FMO3: variants seen among roughly 807,000 people sequenced by gnomAD.
The protein encoded by FMO3 is flavin-containing monooxygenase 3.
A neutral mutation model predicts 39.4 loss-of-function variants in FMO3; 40 were observed. The observed-to-expected ratio is 1.02, with a 90% CI of 0.79 to 1.32. The LOEUF is 1.32. Ranked by LOEUF, FMO3 falls within the 40% of genes most tolerant of loss-of-function variation. The pLI, the probability that FMO3 is intolerant of heterozygous loss-of-function variation, is 0.00. For missense variants in FMO3, 680 were observed against 651.8 expected, an observed-to-expected ratio of 1.04 and a Z score of -0.47; for synonymous variants, 219 against 228.8, an observed-to-expected ratio of 0.96 and a Z score of 0.39.
intron 3 of FMO3, 83 bp from the exon 4 acceptor site, chr1:171,107,592 C>A: frequency 9.5e-7 from 1 of 1,057,848 alleles, no homozygotes; most frequent in Non-Finnish European, 1.4e-6. Context: ...TTTTTCTTAA[C>A]CCACTTTTCT....
In FMO3 at chr1:171,114,246, T is replaced by C. The variant is rs368945674; in HGVS notation, c.1067T>C (p.Val356Ala). 1.5e-4 allele frequency: 248 copies of C among 1,613,628 alleles called. No individual in the cohort carries two copies. Among genetic ancestry groups the C allele is most frequent in the Non-Finnish European group, 2.0e-4 (231 of 1,179,788 alleles). ...AATGAGATCATTTTATTTAAAGGAG[T>C]ATTTCCTCCTCTACTTGAGAAGTCA... The part of the protein sequence containing the change: ...RNNEIILFKG[V>A]FPPLLEKSTI... The change falls in exon 7 of 9, where the codon GTA becomes GCA. Residue 356 changes from valine to alanine, a missense_variant. Physicochemically the swap from Val to Ala is moderately conservative, Grantham distance 64. Transcript: ENST00000367755.
chr1:171,091,889 T>TTGTG (rs10636613), intron 1 of FMO3, among the ~76,000 whole-genome samples: 24 of 145,656 alleles, frequency 1.6e-4, no homozygotes, highest in African/African-American at 5.7e-4. Flanking sequence ...AAGATACAGA[T>TTGTG]TGCGTGTGTG....
At chr1:171,096,026 A>ATATAAATATATAATATATATT in intron 2 of FMO3, among the ~76,000 whole-genome samples, 1 of 33,120 alleles carries the variant, frequency 3.0e-5, no homozygotes, top group Non-Finnish European at 4.9e-5. Context: ...TTATATATTA[A>ATATAAATATATAATATATATT]TATATAATAT....
intron 6 of FMO3, among the ~76,000 whole-genome samples, chr1:171,111,804 G>A (rs1246302832): frequency 1.3e-5 from 2 of 152,164 alleles, no homozygotes; most frequent in African/African-American, 4.8e-5. Flanking sequence ...TAGCCCTGTG[G>A]ATATAGTAGT....
At chr1:171,106,651 A>C (rs1181982231) in intron 3 of FMO3, among the ~76,000 whole-genome samples, 1 of 152,052 alleles carries the variant, frequency 6.6e-6, no homozygotes. Context: ...AGAGAATGAC[A>C]ACTCAAAAGA....
At chr1:171,111,444 A>T (rs1281308808) in intron 6 of FMO3, among the ~76,000 whole-genome samples, 1 of 152,096 alleles carries the variant, frequency 6.6e-6, no homozygotes, top group Non-Finnish European at 1.5e-5. Flanking sequence ...TTCAAAACAA[A>T]CCCAGATCTG....
At chr1:171,096,756 A>G (rs1259835401) in intron 2 of FMO3, among the ~76,000 whole-genome samples, 1 of 135,892 alleles carries the variant, frequency 7.4e-6, no homozygotes, top group Non-Finnish European at 1.5e-5. Flanking sequence ...TAATTATATT[A>G]AAAATATATA....
chr1:171,110,656 A>G (rs1241614929), intron 5 of FMO3, 142 bp from the exon 6 acceptor site: 2 of 771,506 alleles, frequency 2.6e-6, no homozygotes, highest in African/African-American at 3.4e-5. Flanking sequence ...GTCAAAAAGG[A>G]CTGACAGCTG....
rs72549331 is a variant in FMO3 at position 171,114,339 on chromosome 1, G to A, written c.1160G>A (p.Arg387His). 52 of 1,613,224 alleles carry A rather than the reference G, an allele frequency of 3.2e-5. No homozygotes were observed. In the East Asian group the frequency reaches 3.8e-4, roughly 12 times the overall value. The change falls in exon 7 of 9, where the codon CGC becomes CAC. Residue 387 changes from arginine (R) to histidine (H), a missense_variant. By Grantham distance (29) the Arg-to-His change is conservative (BLOSUM62 0). Transcript: ENST00000367755. ...ATTCCCACAGTTGACCTCCAGTCCC[G>A]CTGGGCAGCACAAGTAATAAAGGGT... ...AAIPTVDLQS[R>H]WAAQVIKGTC...
intron 2 of FMO3, among the ~76,000 whole-genome samples, chr1:171,094,737 CA>C (rs1430265133): frequency 1.3e-5 from 2 of 152,118 alleles, no homozygotes; most frequent in African/African-American, 4.8e-5. Context: ...TGCTGAAGAT[CA>C]GTTGGCTATA....
chr1:171,095,920 T>TA, intron 2 of FMO3, among the ~76,000 whole-genome samples: 1 of 93,940 alleles, frequency 1.1e-5, no homozygotes. Context: ...AAATATATAT[T>TA]TATATAATTA....
Position 171,093,954 on chromosome 1 carries a change from C to A in FMO3, c.132+1164C>A, listed in dbSNP as rs913500977. On this transcript the variant is annotated intron_variant, in intron 2 of 8. Transcript: ENST00000367755. ...GGTTCAAACGATTCTCCTACCTCAGCCTCCCGAGTAGCTGGGGTTACAGGT... is the reference window on the plus strand; with the variant it reads ...GGTTCAAACGATTCTCCTACCTCAGACTCCCGAGTAGCTGGGGTTACAGGT... Among the ~76,000 whole-genome samples, 3 of 150,522 alleles carry A rather than the reference C, an allele frequency of 2.0e-5. No individual in the cohort carries two copies. In the South Asian group the frequency reaches 6.3e-4, roughly 32 times the overall value.
chr1:171,106,594 T>C (rs1655650894), intron 3 of FMO3, among the ~76,000 whole-genome samples: 1 of 152,170 alleles, frequency 6.6e-6, no homozygotes, highest in Admixed American at 6.5e-5. Context: ...TTCTTTTCAA[T>C]AGTCTTAAGA....
Position 171,101,108 on chromosome 1 carries a change from G to A in FMO3, c.133-2677G>A, listed in dbSNP as rs1418120175. 8.8e-6 allele frequency: 4 copies of A among 456,108 alleles called. No individual in the cohort carries two copies. The Admixed American group carries it at 9.4e-5, about 11-fold the overall frequency. The allele number at this position is 456,108 out of a possible 1,614,324, so 28.3% of individuals were successfully genotyped here. ...AGCCATGAGTGAAGGCGTACAAGAG[G>A]GGTCTTGCCACTGAAAAAAATAAGA... On this transcript the variant is annotated intron_variant, in intron 2 of 8. Transcript: ENST00000367755.
chr1:171,107,189 G>A (rs911587972), intron 3 of FMO3, among the ~76,000 whole-genome samples: 5 of 152,138 alleles, frequency 3.3e-5, no homozygotes, highest in African/African-American at 1.2e-4. Flanking sequence ...TAGTCCAAGT[G>A]ACATCAGCGT....
At position 171,111,004 on chromosome 1, in the gene FMO3, C is replaced by G; in HGVS notation, c.827+7C>G. On this transcript the variant is annotated splice_region_variant and intron_variant, in intron 6 of 8. Transcript: ENST00000367755. ...GCTTGATGCCTTTAAATGGGTAATGCAGAGCTAAACGTGATATGCCTGCTG... is the reference window on the plus strand; with the variant it reads ...GCTTGATGCCTTTAAATGGGTAATGGAGAGCTAAACGTGATATGCCTGCTG... The G allele has an allele frequency of 6.2e-7, 1 of 1,609,656 alleles. No homozygotes were observed. The highest frequency in any genetic ancestry group is 8.5e-7 in the Non-Finnish European group (1 of 1,176,460).
intron 2 of FMO3, chr1:171,100,641 T>C (rs1254886166): frequency 6.5e-6 from 1 of 154,554 alleles, no homozygotes; most frequent in Admixed American, 6.3e-5. Context: ...GACTTTTGAA[T>C]TGAAAATATA....
rs140099441 is a variant in FMO3, at chr1:171,110,840, G to A, written c.670G>A (p.Val224Ile). ...SRSGSWVMSR[V>I]WDNGYPWDML... ...AAGTGGCTCCTGGGTGATGAGCCGG[G>A]TCTGGGACAATGGTTATCCTTGGGA... The change falls in exon 6 of 9, where the codon GTC becomes ATC. Residue 224 changes from valine (V) to isoleucine (I), a missense_variant. Physicochemically the swap from Val to Ile is conservative, Grantham distance 29. Coordinates refer to ENST00000367755, the MANE Select transcript of FMO3 (RefSeq NM_001002294.3). 6.8e-6 allele frequency: 11 copies of A among 1,613,962 alleles called. No homozygotes were observed. Among genetic ancestry groups the A allele is most frequent in the Non-Finnish European group, 7.6e-6 (9 of 1,179,928 alleles).
At chr1:171,096,159 A>G (rs866972200) in intron 2 of FMO3, among the ~76,000 whole-genome samples, 4 of 75,858 alleles carry the variant, frequency 5.3e-5, no homozygotes, top group African/African-American at 1.2e-4. Context: ...ATGAATATAT[A>G]ATATATATAA....
Sources: gnomAD v4.1 joint callset for allele counts (sites outside exome capture counted in the v4.1 genomes callset) on GRCh38, gnomAD v4.1.1 for gene constraint, MANE v1.5 for transcripts, NCBI Gene and HGNC (gene_info 2026-07-23, HGNC 2026-07-21) for gene names.